PDE3A: variants seen among roughly 807,000 people sequenced by gnomAD.
PDE3A encodes the protein cGMP-inhibited 3',5'-cyclic phosphodiesterase 3A.
Under a neutral mutation model 98.3 loss-of-function variants are expected in PDE3A, and 43 were observed. The observed-to-expected ratio is 0.44, with a 90% CI of 0.34 to 0.56. PDE3A has a LOEUF of 0.56. Among genes scored for constraint, PDE3A ranks in the 20% least tolerant of loss-of-function variants. The pLI, the probability that PDE3A is intolerant of heterozygous loss-of-function variation, is 0.01. For missense variants in PDE3A, 1,427 were observed against 1,440.7 expected (o/e 0.99, Z 0.15); for synonymous variants, 663 against 567.9 (o/e 1.17, Z -2.38).
chr12:20,430,887 T>C (rs888785173), intron 1 of PDE3A, among the ~76,000 whole-genome samples: 1 of 152,198 alleles, frequency 6.6e-6, no homozygotes, highest in Non-Finnish European at 1.5e-5. Flanking sequence ...ATAAGTTTAT[T>C]GTAAAAGCTT....
chr12:20,515,950 T>C (rs1367587889), intron 1 of PDE3A, among the ~76,000 whole-genome samples: 20 of 150,828 alleles, frequency 1.3e-4, no homozygotes, highest in Non-Finnish European at 2.5e-4. Context: ...GCCGGGATGG[T>C]CTCGATCTCC....
chr12:20,534,900 C>T (rs1274616916), intron 1 of PDE3A, among the ~76,000 whole-genome samples: 1 of 151,808 alleles, frequency 6.6e-6, no homozygotes, highest in Non-Finnish European at 1.5e-5. Context: ...GCTTGTATTG[C>T]AATTGAAATG....
At chr12:20,400,300 G>A (rs1485904483) in intron 1 of PDE3A, among the ~76,000 whole-genome samples, 1 of 150,088 alleles carries the variant, frequency 6.7e-6, no homozygotes, top group Non-Finnish European at 1.5e-5. Context: ...TAAAGGAGTA[G>A]CACAGCCAGA....
chr12:20,476,797 C>T (rs1034779603), intron 1 of PDE3A, among the ~76,000 whole-genome samples: 67 of 152,158 alleles, frequency 4.4e-4, no homozygotes, highest in African/African-American at 1.4e-3. Flanking sequence ...AAAATTATAA[C>T]CCTTGGCAAA....
intron 15 of PDE3A, among the ~76,000 whole-genome samples, chr12:20,665,099 T>A (rs898268412): frequency 1.3e-5 from 2 of 152,136 alleles, no homozygotes; most frequent in African/African-American, 4.8e-5. Flanking sequence ...CTGGGCCATC[T>A]CCCTCCCTTT....
At chr12:20,654,304 C>G (rs539937283) in intron 15 of PDE3A, 99 bp downstream of exon 15, 575 of 1,142,770 alleles carry the variant, frequency 5.0e-4, no homozygotes, top group Non-Finnish European at 6.9e-4. Context: ...TACTTCAAGT[C>G]TAAACATCAT....
chr12:20,383,739 T>C (rs941436731), intron 1 of PDE3A, among the ~76,000 whole-genome samples: 6 of 151,864 alleles, frequency 4.0e-5, no homozygotes, highest in Non-Finnish European at 2.9e-5. Context: ...ATTTCCACTT[T>C]TGTGACAGAA....
intron 1 of PDE3A, among the ~76,000 whole-genome samples, chr12:20,433,803 A>G (rs1219635732): frequency 6.6e-6 from 1 of 152,152 alleles, no homozygotes; most frequent in Non-Finnish European, 1.5e-5. Flanking sequence ...CATTGTTTGT[A>G]GAATGTTTCT....
chr12:20,687,330 T>C lies in PDE3A; in HGVS notation c.*7059T>C, dbSNP rs1347268689. On this transcript the variant is annotated 3_prime_UTR_variant, in exon 16 of 16. Coordinates refer to ENST00000359062, the MANE Select transcript of PDE3A (RefSeq NM_000921.5). Reference sequence around the variant, plus strand: ...ACTATTTATAAGGATAATTTAGTATTATAGTATTGCTAACTTTAATAATTC... The same window carrying C: ...ACTATTTATAAGGATAATTTAGTATCATAGTATTGCTAACTTTAATAATTC... Among the ~76,000 whole-genome samples, 1 of 152,068 alleles carries C rather than the reference T, an allele frequency of 6.6e-6. No individual in the cohort carries two copies. The highest frequency in any genetic ancestry group is 2.4e-5 in the African/African-American group (1 of 41,446).
At chr12:20,525,329 A>G (rs1233040407) in intron 1 of PDE3A, among the ~76,000 whole-genome samples, 1 of 152,184 alleles carries the variant, frequency 6.6e-6, no homozygotes, top group Admixed American at 6.5e-5. Context: ...TGTTACTATC[A>G]TCATGTTCAG....
intron 1 of PDE3A, among the ~76,000 whole-genome samples, chr12:20,483,905 T>C (rs1945675876): frequency 6.6e-6 from 1 of 152,254 alleles, no homozygotes; most frequent in Non-Finnish European, 1.5e-5. Context: ...ATAATGCTTT[T>C]AACTTTCCTC....
chr12:20,516,508 A>G (rs1391962393), intron 1 of PDE3A, among the ~76,000 whole-genome samples: 1 of 152,184 alleles, frequency 6.6e-6, no homozygotes, highest in Non-Finnish European at 1.5e-5. Flanking sequence ...TAGAATACCT[A>G]TACATTTACA....
At chr12:20,473,552 A>G (rs1945478046) in intron 1 of PDE3A, among the ~76,000 whole-genome samples, 1 of 152,202 alleles carries the variant, frequency 6.6e-6, no homozygotes, top group Non-Finnish European at 1.5e-5. Flanking sequence ...AGCTTAAGAA[A>G]TAAAACATTA....
At chr12:20,612,812 A>G (rs1025498708) in intron 2 of PDE3A, among the ~76,000 whole-genome samples, 17 of 151,504 alleles carry the variant, frequency 1.1e-4, no homozygotes, top group African/African-American at 4.1e-4. Context: ...GGACAGAGTA[A>G]TGACTCTGCT....
chr12:20,569,183 A>G (rs934426371), intron 2 of PDE3A, among the ~76,000 whole-genome samples: 1 of 152,076 alleles, frequency 6.6e-6, no homozygotes, highest in Non-Finnish European at 1.5e-5. Flanking sequence ...AACCACATTT[A>G]AAGTCTTTTT....
intron 1 of PDE3A, among the ~76,000 whole-genome samples, chr12:20,508,687 C>T (rs994807575): frequency 6.6e-6 from 1 of 151,894 alleles, no homozygotes; most frequent in Non-Finnish European, 1.5e-5. Flanking sequence ...ATGGTGGTAG[C>T]TTTGCAATTG....
intron 2 of PDE3A, among the ~76,000 whole-genome samples, chr12:20,578,996 A>T (rs959918342): frequency 6.6e-6 from 1 of 151,522 alleles, no homozygotes; most frequent in Non-Finnish European, 1.5e-5. Flanking sequence ...CATCAGTTTT[A>T]TTTTTTTTCT....
rs998539900 is a variant in PDE3A at position 20,613,627 on chromosome 12, C to T, written c.1196C>T (p.Thr399Ile). Residue 399 changes from threonine to isoleucine, a missense_variant, in exon 3 of 16, where the codon ACT (threonine) becomes ATT (isoleucine). Physicochemically the swap from Thr to Ile is moderately conservative, Grantham distance 89 (BLOSUM62 -1). This residue lies in a region of PDE3A where 1,012 missense variants were observed against 886.5 expected (regional missense o/e 1.14). Coordinates refer to ENST00000359062, the MANE Select transcript of PDE3A (RefSeq NM_000921.5). ...CACAAGCCCAGAGTGAATCCCGTCA[C>T]TTCGCTCAGTGAAAACTATACCTGT... ...AIHKPRVNPVTSLSENYTCSD... is the reference protein window; with the variant it reads ...AIHKPRVNPVISLSENYTCSD... 2 of 1,613,294 alleles carry T rather than the reference C, an allele frequency of 1.2e-6. No homozygotes were observed. The highest frequency in any genetic ancestry group is 2.2e-5 in the South Asian group (2 of 91,068).
intron 2 of PDE3A, among the ~76,000 whole-genome samples, chr12:20,605,190 G>C (rs927555981): frequency 6.6e-6 from 1 of 152,114 alleles, no homozygotes; most frequent in Non-Finnish European, 1.5e-5. Context: ...AATATAACAG[G>C]CCTAAAGAGA....
Sources: allele counts gnomAD v4.1 joint callset (sites outside exome capture counted in the v4.1 genomes callset), GRCh38; gene constraint gnomAD v4.1.1; regional missense constraint gnomAD v4.1.1; transcripts MANE v1.5; gene names NCBI Gene and HGNC (gene_info 2026-07-23, HGNC 2026-07-21).